Variants in IL1RAPL1 observed in about 807,000 individuals in gnomAD.
IL1RAPL1 encodes interleukin-1 receptor accessory protein-like 1.
Under a neutral mutation model 48.4 loss-of-function variants are expected in IL1RAPL1, and 3 were observed. The ratio of observed to expected loss-of-function variants is 0.06; its 90% CI spans 0.03 to 0.16. The LOEUF (loss-of-function observed/expected upper bound fraction) is 0.16, where lower values mean the gene tolerates loss of function less well. Ranked by LOEUF, IL1RAPL1 falls within the 10% of genes least tolerant of loss-of-function variation. IL1RAPL1 has a pLI of 1.00. For missense variants in IL1RAPL1, 349 were observed against 530.6 expected (o/e 0.66, Z 3.36); for synonymous variants, 185 against 187.7 (o/e 0.99, Z 0.12).
chrX:28,876,637 G>C (rs1394311582), intron 2 of IL1RAPL1, among the ~76,000 whole-genome samples: 1 of 111,069 alleles, frequency 9.0e-6, no homozygotes, highest in Non-Finnish European at 1.9e-5. Context: ...TGCTTCTCTT[G>C]TTAGAACTGA....
Position 28,720,859 on chromosome X carries a change from T to C in IL1RAPL1, c.-24-68461T>C, listed in dbSNP as rs1215391313. 3.6e-5 allele frequency among the ~76,000 whole-genome samples: 4 copies of C among 111,928 alleles called. No homozygotes were observed. The East Asian group carries it at 1.1e-3, about 32-fold the overall frequency. Reference sequence around the variant, plus strand: ...AGTGAGAACATGTGGTGTTTGGTTTTTTGTCCTTGAGATAGTTTGCTGAGA... The same window carrying C: ...AGTGAGAACATGTGGTGTTTGGTTTCTTGTCCTTGAGATAGTTTGCTGAGA... On this transcript the variant is annotated intron_variant, in intron 1 of 10. Transcript: ENST00000378993.
At chrX:28,671,278 G>A (rs971057796) in intron 1 of IL1RAPL1, among the ~76,000 whole-genome samples, 2 of 111,872 alleles carry the variant, frequency 1.8e-5, no homozygotes, top group Non-Finnish European at 3.8e-5. Flanking sequence ...CCAGCTAATG[G>A]ATCTGAGTAC....
At chrX:29,886,688 T>G (rs1932175674) in intron 6 of IL1RAPL1, among the ~76,000 whole-genome samples, 1 of 112,185 alleles carries the variant, frequency 8.9e-6, no homozygotes, top group African/African-American at 3.2e-5. Flanking sequence ...ATGACTATAG[T>G]AATTTTTCAT....
chrX:29,640,092 C>T (rs1323970648), intron 5 of IL1RAPL1, among the ~76,000 whole-genome samples: 1 of 112,042 alleles, frequency 8.9e-6, no homozygotes, highest in African/African-American at 3.2e-5. Flanking sequence ...ATAACACACA[C>T]ATCATTTTTA....
chrX:29,604,179 C>T (rs1321199491), intron 5 of IL1RAPL1, among the ~76,000 whole-genome samples: 2 of 112,138 alleles, frequency 1.8e-5, no homozygotes, highest in African/African-American at 6.5e-5. Context: ...GCCACATCAA[C>T]CTCTTTCCCC....
At chrX:28,943,752 A>G (rs1409076316) in intron 2 of IL1RAPL1, among the ~76,000 whole-genome samples, 2 of 111,047 alleles carry the variant, frequency 1.8e-5, no homozygotes, top group African/African-American at 3.3e-5. Flanking sequence ...CAAAGATCTA[A>G]TGAAATGCAC....
At chrX:28,769,157 G>A (rs1936284084) in intron 1 of IL1RAPL1, among the ~76,000 whole-genome samples, 1 of 109,248 alleles carries the variant, frequency 9.2e-6, no homozygotes, top group South Asian at 3.9e-4. Context: ...GTGTGTATGT[G>A]TGTGTGTGTG....
intron 3 of IL1RAPL1, among the ~76,000 whole-genome samples, chrX:29,308,627 GTTA>G (rs2071794441): frequency 8.9e-6 from 1 of 112,097 alleles, no homozygotes; most frequent in African/African-American, 3.2e-5. Context: ...AACAATATGT[GTTA>G]TTATACTGAA....
At chrX:29,420,548 T>C (rs182503640) in intron 5 of IL1RAPL1, among the ~76,000 whole-genome samples, 14 of 112,350 alleles carry the variant, frequency 1.2e-4, no homozygotes, top group African/African-American at 4.2e-4. Context: ...AGTTTGCTTT[T>C]TGACACTTTT....
chrX:29,127,697 C>T (rs1028756255), intron 2 of IL1RAPL1, among the ~76,000 whole-genome samples: 1 of 111,757 alleles, frequency 8.9e-6, no homozygotes, highest in Admixed American at 9.5e-5. Context: ...CCGTGGCTCA[C>T]GCCTGTAATC....
At chrX:28,998,036 C>T (rs765474056) in intron 2 of IL1RAPL1, among the ~76,000 whole-genome samples, 2 of 112,038 alleles carry the variant, frequency 1.8e-5, no homozygotes, top group Admixed American at 9.5e-5. Context: ...TGTCCAGGGA[C>T]GACTTTTCCC....
At chrX:29,448,909 A>T (rs1203739289) in intron 5 of IL1RAPL1, among the ~76,000 whole-genome samples, 2 of 111,195 alleles carry the variant, frequency 1.8e-5, no homozygotes, top group Non-Finnish European at 3.8e-5. Context: ...ATGGCGGAGA[A>T]GGAGGACTCT....
At chrX:29,712,397 A>G (rs914460679) in intron 6 of IL1RAPL1, among the ~76,000 whole-genome samples, 2 of 112,016 alleles carry the variant, frequency 1.8e-5, no homozygotes, top group Non-Finnish European at 3.8e-5. Context: ...GTGTCAAATA[A>G]TAAATAATTT....
intron 3 of IL1RAPL1, among the ~76,000 whole-genome samples, chrX:29,324,683 G>T (rs1466938675): frequency 9.0e-6 from 1 of 111,580 alleles, no homozygotes; most frequent in African/African-American, 3.3e-5. Context: ...TGATTTCTAT[G>T]ACCAGTTTTA....
At chrX:28,665,950 C>T (rs1042476262) in intron 1 of IL1RAPL1, among the ~76,000 whole-genome samples, 1 of 112,185 alleles carries the variant, frequency 8.9e-6, no homozygotes, top group Non-Finnish European at 1.9e-5. Flanking sequence ...GGAGCACGCA[C>T]GCGCACTCTG....
chrX:28,736,190 T>G (rs1296909687), intron 1 of IL1RAPL1, among the ~76,000 whole-genome samples: 1 of 110,830 alleles, frequency 9.0e-6, no homozygotes. Context: ...TCTCAGCACT[T>G]TGGGAGGCCG....
At chrX:29,271,643 G>T (rs1932043731) in intron 2 of IL1RAPL1, among the ~76,000 whole-genome samples, 1 of 111,967 alleles carries the variant, frequency 8.9e-6, no homozygotes, top group African/African-American at 3.2e-5. Flanking sequence ...TCATGTGCTT[G>T]TTGGCTGTGT....
At chrX:28,955,490 C>T (rs898227813) in intron 2 of IL1RAPL1, among the ~76,000 whole-genome samples, 4 of 109,529 alleles carry the variant, frequency 3.7e-5, no homozygotes, top group Non-Finnish European at 7.6e-5. Context: ...TTTCAGCTTT[C>T]TACATAGGGC....
At chrX:29,779,724 AT>A (rs1929289842) in intron 6 of IL1RAPL1, among the ~76,000 whole-genome samples, 1 of 111,962 alleles carries the variant, frequency 8.9e-6, no homozygotes, top group African/African-American at 3.2e-5. Flanking sequence ...AATATACTTA[AT>A]TTCACTTAAT....
Sources: allele counts gnomAD v4.1 joint callset (sites outside exome capture counted in the v4.1 genomes callset), GRCh38; gene constraint gnomAD v4.1.1; transcripts MANE v1.5; gene names NCBI Gene and HGNC (gene_info 2026-07-23, HGNC 2026-07-21).